Variants in GRID2IP observed in about 807,000 individuals in gnomAD.
GRID2IP encodes the protein Grid2 interacting protein, also known as delphilin.
In GRID2IP, 78 loss-of-function variants were observed where a neutral mutation model predicts 114.3. The observed-to-expected ratio is 0.68, with a 90% confidence interval of 0.57 to 0.82. GRID2IP has a LOEUF of 0.82. Ranked by LOEUF, GRID2IP falls within the 40% of genes least tolerant of loss-of-function variation. The pLI is 0.00. For synonymous variants in GRID2IP, 809 were observed against 724.0 expected (o/e 1.12, Z -1.89); for missense variants, 1,727 against 1,678.5 (o/e 1.03, Z -0.51).
chr7:6,539,552 T>TGAGA (rs1779780767), intron 2 of GRID2IP, among the ~76,000 whole-genome samples, 166 bp downstream of exon 2: 2 of 152,164 alleles, frequency 1.3e-5, no homozygotes, highest in Non-Finnish European at 2.9e-5. Flanking sequence ...GTCATTGGCC[T>TGAGA]ACCCTTGTTT....
At position 6,504,875 on chromosome 7, in the gene GRID2IP, A is replaced by AAAAG. The variant is rs1326460956; in HGVS notation, c.2633-9_2633-6dup. The AAAAG allele has an allele frequency of 2.6e-6, 4 of 1,551,082 alleles. No homozygotes were observed. The East Asian group carries it at 9.8e-5, about 38-fold the overall frequency. On this transcript the variant is annotated splice_polypyrimidine_tract_variant and splice_region_variant and intron_variant, in intron 14 of 21. Transcript: ENST00000457091. ...GCTCCGGCCCCGGCACCGGTTCTGG[A>AAAAG]AAAGAAACTGACAGTTTACGGAGGC...
chr7:6,498,298 G>A, intron 20 of GRID2IP, 70 bp from the exon 21 acceptor site: 1 of 1,410,760 alleles, frequency 7.1e-7, no homozygotes, highest in African/African-American at 1.4e-5. Context: ...TGGCCCGACA[G>A]ACAGGTCCCT....
At chr7:6,531,093 C>T (rs1431262979) in intron 2 of GRID2IP, 2 of 562,646 alleles carry the variant, frequency 3.6e-6, no homozygotes, top group Non-Finnish European at 6.3e-6. Flanking sequence ...AAGCCCTGGT[C>T]CTTCCCCATC....
chr7:6,511,946 C>T (rs1380668182), intron 8 of GRID2IP, among the ~76,000 whole-genome samples: 1 of 151,152 alleles, frequency 6.6e-6, no homozygotes, highest in Non-Finnish European at 1.5e-5. Flanking sequence ...CTGGCTTTCT[C>T]ATCCAGGTTG....
chr7:6,536,078 C>A lies in GRID2IP; in HGVS notation c.584+3640G>T, dbSNP rs1021438704. On this transcript the variant is annotated intron_variant, in intron 2 of 21. Coordinates refer to ENST00000457091, the MANE Select transcript of GRID2IP (RefSeq NM_001145118.2). This position sits in a 1 kb window ranked among gnomAD's most constrained non-coding sequence, Gnocchi z 5.3. ...CTTCTCCATGCCCCCTCTGACCTCT[C>A]TCCAGATGGGGCTGCCCAGAGATCG... is the stretch of plus-strand genomic sequence containing the variant. 2.6e-5 allele frequency among the ~76,000 whole-genome samples: 4 copies of A among 152,206 alleles called. No homozygotes were observed. Among genetic ancestry groups the A allele is most frequent in the Non-Finnish European group, 1.5e-5 (1 of 68,038 alleles).
At chr7:6,510,427 C>A in intron 10 of GRID2IP, 27 bp from the exon 11 acceptor site, 1 of 1,469,956 alleles carries the variant, frequency 6.8e-7, no homozygotes. Context: ...GAGAGTCCAG[C>A]CCATTCTGCT....
At position 6,519,671 on chromosome 7, in the gene GRID2IP, C is replaced by T. The variant is rs1483974258; in HGVS notation, c.1268+907G>A. On this transcript the variant is annotated intron_variant, in intron 7 of 21. Transcript: ENST00000457091. The surrounding 1 kb of genome is among the most constrained non-coding windows in gnomAD (Gnocchi z 4.1). ...ACTTGGGAGGCTGAGGCAGGAGAAT[C>T]GCTTGAGTCCGGGAGGTGGGGGTTG... is the stretch of plus-strand genomic sequence containing the variant. Among the ~76,000 whole-genome samples, 4 of 152,026 alleles carry T rather than the reference C, an allele frequency of 2.6e-5. No homozygotes were observed. Among genetic ancestry groups the T allele is most frequent in the Non-Finnish European group, 5.9e-5 (4 of 68,004 alleles).
At chr7:6,547,663 C>G (rs774273528) in intron 1 of GRID2IP, among the ~76,000 whole-genome samples, 6 of 152,126 alleles carry the variant, frequency 3.9e-5, no homozygotes, top group Non-Finnish European at 8.8e-5. Context: ...TGTAGGGAAG[C>G]TGGAGTTGAG....
chr7:6,503,947 C>T (rs144787809), intron 15 of GRID2IP, among the ~76,000 whole-genome samples: 141 of 151,220 alleles, frequency 9.3e-4, no homozygotes, highest in Non-Finnish European at 1.9e-3. Flanking sequence ...GGGGGCGGGG[C>T]CGCTCGGTGA....
At chr7:6,514,324 T>C (rs1403435085) in intron 8 of GRID2IP, 51 bp downstream of exon 8, 2 of 1,429,978 alleles carry the variant, frequency 1.4e-6, no homozygotes, top group East Asian at 2.6e-5. Flanking sequence ...CCTGGTGAGC[T>C]GGACAGTCAG....
In GRID2IP at chr7:6,501,976, C is replaced by T. The variant is rs1786428981; in HGVS notation, c.3280+13G>A. ...AGCATGCCTCTGCCTCCCCATCCACCCACCCAGCATACCTTTGGCAGCCAG... is the reference window on the plus strand; with the variant it reads ...AGCATGCCTCTGCCTCCCCATCCACTCACCCAGCATACCTTTGGCAGCCAG... On this transcript the variant is annotated intron_variant, in intron 19 of 21. Transcript: ENST00000457091. 28 of 1,550,972 alleles carry T rather than the reference C, an allele frequency of 1.8e-5. No homozygotes were observed. Among genetic ancestry groups the T allele is most frequent in the Non-Finnish European group, 2.4e-5 (27 of 1,146,728 alleles).
In GRID2IP at chr7:6,508,551, G is replaced by T. The variant is rs1348339170; in HGVS notation, c.2128-150C>A. The T allele has an allele frequency of 7.5e-7, 1 of 1,332,458 alleles. No homozygotes were observed. The highest frequency in any genetic ancestry group is 1.0e-6 in the Non-Finnish European group (1 of 987,712). The allele number at this position is 1,332,458 out of a possible 1,614,324, so 82.5% of individuals were successfully genotyped here. On this transcript the variant is annotated intron_variant, in intron 12 of 21. Coordinates refer to ENST00000457091, the MANE Select transcript of GRID2IP (RefSeq NM_001145118.2). The surrounding 1 kb of genome is among the most constrained non-coding windows in gnomAD (Gnocchi z 5.6). ...GGCTGTGAGGGACACCTGGGCTAAGGATAGGACTGTCTCACAGGTTAACCT... is the reference window on the plus strand; with the variant it reads ...GGCTGTGAGGGACACCTGGGCTAAGTATAGGACTGTCTCACAGGTTAACCT...
At chr7:6,547,314 G>A (rs1779902006) in intron 1 of GRID2IP, among the ~76,000 whole-genome samples, 1 of 152,140 alleles carries the variant, frequency 6.6e-6, no homozygotes, top group Non-Finnish European at 1.5e-5. Context: ...GCTGAGGCAG[G>A]AGAATTGCTT....
rs1006468542 is a variant in GRID2IP at position 6,512,583 on chromosome 7, T to G, written c.1424-1544A>C. ...TGGAGTGTAGTGGTGCGATCTCAGC[T>G]CACTGCAACCTCCGTCTCCCAGGTT... On this transcript the variant is annotated intron_variant, in intron 8 of 21. Transcript: ENST00000457091. 8.6e-5 allele frequency among the ~76,000 whole-genome samples: 13 copies of G among 151,682 alleles called. No individual in the cohort carries two copies. The South Asian group carries it at 2.5e-3, about 29-fold the overall frequency.
chr7:6,549,872 C>T (rs189225345), intron 1 of GRID2IP, among the ~76,000 whole-genome samples: 26 of 151,942 alleles, frequency 1.7e-4, no homozygotes, highest in African/African-American at 5.8e-4. Flanking sequence ...TTCAAGTCAT[C>T]AGCCCTCCTC....
rs566080078 is a variant in GRID2IP, at chr7:6,515,279, T to C, written c.1269-750A>G. 2.0e-5 allele frequency among the ~76,000 whole-genome samples: 3 copies of C among 151,826 alleles called. No homozygotes were observed. In the South Asian group the frequency reaches 6.2e-4, roughly 32 times the overall value. Reference sequence around the variant, plus strand: ...GAGTTCAAGACCAGTCTGGCCAACATAGTGAAACCCCCTCTCTACTAAAAA... The same window carrying C: ...GAGTTCAAGACCAGTCTGGCCAACACAGTGAAACCCCCTCTCTACTAAAAA... On this transcript the variant is annotated intron_variant, in intron 7 of 21. Transcript: ENST00000457091.
At chr7:6,518,888 CA>C (rs1294570688) in intron 7 of GRID2IP, among the ~76,000 whole-genome samples, 4 of 150,646 alleles carry the variant, frequency 2.7e-5, no homozygotes, top group African/African-American at 9.8e-5. Flanking sequence ...AAGTTAGACA[CA>C]AAACATGATA....
At chr7:6,510,467 C>G in intron 10 of GRID2IP, 67 bp from the exon 11 acceptor site, 19 of 1,375,312 alleles carry the variant, frequency 1.4e-5, no homozygotes, top group Non-Finnish European at 1.3e-5. Context: ...TGGTCCAGGC[C>G]TGGGTGGGCC....
chr7:6,513,894 G>A (rs1779235471), intron 8 of GRID2IP, among the ~76,000 whole-genome samples: 2 of 138,924 alleles, frequency 1.4e-5, no homozygotes, highest in South Asian at 4.6e-4. Flanking sequence ...GCTGCGGTGA[G>A]CCATGATGGC....
Sources: gnomAD v4.1 joint callset for allele counts (sites outside exome capture counted in the v4.1 genomes callset) on GRCh38, gnomAD v4.1.1 for gene constraint, Gnocchi (gnomAD v3.1) non-coding constraint, MANE v1.5 for transcripts, NCBI Gene and HGNC (gene_info 2026-07-23, HGNC 2026-07-21) for gene names.